The following GALNTL6 variants were observed in gnomAD, a reference collection of about 807,000 sequenced individuals.
GALNTL6 encodes the protein polypeptide N-acetylgalactosaminyltransferase-like 6.
GALNTL6 carries 46 observed loss-of-function variants against 73.7 expected under a neutral mutation model. That is an observed-to-expected ratio of 0.62 (90% CI 0.49 to 0.80). The LOEUF (loss-of-function observed/expected upper bound fraction) is 0.80, where lower values mean the gene tolerates loss of function less well. Among genes scored for constraint, GALNTL6 ranks in the 30% least tolerant of loss-of-function variants. The probability of loss-of-function intolerance (pLI) is 0.00; values close to 1 mark genes in which losing one functional copy is unlikely to be tolerated. For synonymous variants in GALNTL6, 259 were observed against 263.7 expected, an observed-to-expected ratio of 0.98 and a Z score of 0.17; for missense variants, 604 against 755.0, an observed-to-expected ratio of 0.80 and a Z score of 2.34.
chr4:172,528,781 A>G (rs969712057), intron 5 of GALNTL6, among the ~76,000 whole-genome samples: 21 of 150,520 alleles, frequency 1.4e-4, no homozygotes, highest in Non-Finnish European at 2.8e-4. Flanking sequence ...TCATAAGATT[A>G]TTGTGTTCTT....
intron 7 of GALNTL6, among the ~76,000 whole-genome samples, chr4:172,849,581 A>G (rs1743704307): frequency 6.6e-6 from 1 of 152,232 alleles, no homozygotes; most frequent in African/African-American, 2.4e-5. Flanking sequence ...AATAGAAAAT[A>G]TGATTCACTT....
At position 172,069,447 on chromosome 4, in the gene GALNTL6, T is replaced by C. The variant is rs569073232; in HGVS notation, c.139-160209T>C. Among the ~76,000 whole-genome samples, 3 of 82,050 alleles carry C rather than the reference T, an allele frequency of 3.7e-5. 1 individual carries two copies. The highest frequency in any genetic ancestry group is 7.3e-4 in the South Asian group (2 of 2,738). 53.8% of individuals were successfully genotyped at this position (82,050 alleles called of 152,430 possible). The stretch of plus-strand genomic sequence containing the variant: ...ATAACACACATATAACATATATATG[T>C]AATATATAACACACATATAACATAT... On this transcript the variant is annotated intron_variant, in intron 2 of 12. Transcript: ENST00000506823.
chr4:172,079,901 A>G (rs1462438006), intron 2 of GALNTL6, among the ~76,000 whole-genome samples: 3 of 151,786 alleles, frequency 2.0e-5, no homozygotes, highest in Non-Finnish European at 4.4e-5. Context: ...TAGTTTTCTT[A>G]TGGAAACAAT....
At chr4:172,180,072 A>C (rs1302821734) in intron 2 of GALNTL6, among the ~76,000 whole-genome samples, 2 of 152,224 alleles carry the variant, frequency 1.3e-5, no homozygotes, top group East Asian at 3.9e-4. Context: ...ACAGTGTAAA[A>C]GTGTTCCTGT....
At chr4:172,961,999 G>A (rs1429528721) in intron 10 of GALNTL6, among the ~76,000 whole-genome samples, 1 of 152,208 alleles carries the variant, frequency 6.6e-6, no homozygotes, top group African/African-American at 2.4e-5. Context: ...CGAAAAGAGA[G>A]TCAGCAAAGG....
At chr4:172,177,520 T>C (rs1460792267) in intron 2 of GALNTL6, among the ~76,000 whole-genome samples, 3 of 152,016 alleles carry the variant, frequency 2.0e-5, no homozygotes, top group African/African-American at 7.2e-5. Flanking sequence ...TGATAGCACA[T>C]TATTTGAACA....
intron 2 of GALNTL6, among the ~76,000 whole-genome samples, chr4:172,170,230 G>A: frequency 6.6e-6 from 1 of 152,190 alleles, no homozygotes. Context: ...TGTCAAGGGA[G>A]AGATCAGATG....
intron 8 of GALNTL6, among the ~76,000 whole-genome samples, chr4:172,897,197 G>A (rs1427520194): frequency 2.6e-5 from 4 of 152,182 alleles, no homozygotes; most frequent in African/African-American, 9.6e-5. Flanking sequence ...TGGTCTCATT[G>A]GCTAAGAGGG....
At chr4:172,403,397 T>C (rs1043284669) in intron 5 of GALNTL6, among the ~76,000 whole-genome samples, 2 of 152,060 alleles carry the variant, frequency 1.3e-5, no homozygotes, top group Non-Finnish European at 2.9e-5. Flanking sequence ...TATTTGGCCG[T>C]ACATGCCATG....
chr4:171,955,387 TA>T (rs1560857613), intron 2 of GALNTL6, among the ~76,000 whole-genome samples: 1 of 151,656 alleles, frequency 6.6e-6, no homozygotes, highest in East Asian at 1.9e-4. Context: ...TCTATCTATA[TA>T]TATATATGTT....
intron 10 of GALNTL6, among the ~76,000 whole-genome samples, chr4:172,956,947 G>A (rs749771466): frequency 2.6e-5 from 4 of 152,212 alleles, no homozygotes; most frequent in Admixed American, 6.5e-5. Context: ...TTATAGGACT[G>A]TATAGAGGTG....
At chr4:171,934,555 A>G (rs1268236295) in intron 2 of GALNTL6, among the ~76,000 whole-genome samples, 1 of 152,050 alleles carries the variant, frequency 6.6e-6, no homozygotes, top group Non-Finnish European at 1.5e-5. Flanking sequence ...CTGGGACTAC[A>G]GGTGTGCACC....
Position 172,007,360 on chromosome 4 carries a change from T to C in GALNTL6, c.138+192642T>C, listed in dbSNP as rs1428396944. On this transcript the variant is annotated intron_variant, in intron 2 of 12. Transcript: ENST00000506823. Reference sequence around the variant, plus strand: ...AAGATTATGAACTATAGCTGACATATGGAGACATGTATTTAGTAGACATAT... The same window carrying C: ...AAGATTATGAACTATAGCTGACATACGGAGACATGTATTTAGTAGACATAT... Among the ~76,000 whole-genome samples the C allele has an allele frequency of 1.7e-4, 26 of 152,016 alleles. 1 individual carries two copies. Among genetic ancestry groups the C allele is most frequent in the Admixed American group, 1.7e-3 (26 of 15,226 alleles).
intron 2 of GALNTL6, among the ~76,000 whole-genome samples, chr4:172,227,415 T>TA (rs1380616577): frequency 2.6e-5 from 4 of 152,170 alleles, no homozygotes; most frequent in African/African-American, 4.8e-5. Flanking sequence ...CCTGAGAACA[T>TA]ACCATTGACG....
chr4:172,246,654 C>T (rs1464378715), intron 3 of GALNTL6, among the ~76,000 whole-genome samples: 1 of 151,788 alleles, frequency 6.6e-6, no homozygotes, highest in Non-Finnish European at 1.5e-5. Context: ...TGGATTACAG[C>T]AAATCTTTTA....
chr4:172,163,692 C>T, intron 2 of GALNTL6, among the ~76,000 whole-genome samples: 1 of 151,914 alleles, frequency 6.6e-6, no homozygotes, highest in East Asian at 1.9e-4. Context: ...GAAAACCAAT[C>T]AAGCAAAATC....
At chr4:172,706,778 T>A (rs1294257813) in intron 5 of GALNTL6, among the ~76,000 whole-genome samples, 1 of 152,086 alleles carries the variant, frequency 6.6e-6, no homozygotes, top group Non-Finnish European at 1.5e-5. Flanking sequence ...TAGTTTGGAG[T>A]TTGTGCCTGG....
intron 5 of GALNTL6, among the ~76,000 whole-genome samples, chr4:172,616,101 C>G (rs1294135907): frequency 1.3e-5 from 2 of 152,156 alleles, no homozygotes; most frequent in Non-Finnish European, 2.9e-5. Flanking sequence ...CTGCCTGTAA[C>G]TGATAACATA....
chr4:172,757,415 T>C (rs566451521), intron 5 of GALNTL6, among the ~76,000 whole-genome samples: 8 of 152,224 alleles, frequency 5.3e-5, no homozygotes, highest in Admixed American at 1.3e-4. Flanking sequence ...AACTGGGTTA[T>C]AGGATTTGGT....
Sources: allele counts gnomAD v4.1 joint callset (sites outside exome capture counted in the v4.1 genomes callset), GRCh38; gene constraint gnomAD v4.1.1; transcripts MANE v1.5; gene names NCBI Gene and HGNC (gene_info 2026-07-23, HGNC 2026-07-21).